EIF2AK4: variants seen among roughly 807,000 people sequenced by gnomAD.
EIF2AK4 encodes eIF-2-alpha kinase GCN2.
A neutral mutation model predicts 211.1 loss-of-function variants in EIF2AK4; 139 were observed. The ratio of observed to expected loss-of-function variants is 0.66; its 90% CI spans 0.57 to 0.76. EIF2AK4 has a LOEUF of 0.76. EIF2AK4 is among the 30% of genes least tolerant of loss of function. EIF2AK4 has a pLI of 0.00. For missense variants in EIF2AK4, 1,664 were observed against 2,043.8 expected, an observed-to-expected ratio of 0.81 and a Z score of 3.58; for synonymous variants, 710 against 751.3, an observed-to-expected ratio of 0.94 and a Z score of 0.90.
rs199883796 is a variant in EIF2AK4 at position 39,988,019 on chromosome 15, A to C, written c.2440A>C (p.Ile814Leu). The change falls in exon 15 of 39, where the codon ATT becomes CTT. Residue 814 changes from isoleucine to leucine, a missense_variant. Transcript: ENST00000263791. ...TGAGAAGAGCACTTTACGAGACACC[A>C]TTGACCAGGGACTGTATCGAGACAC... ...YCEKSTLRDT[I>L]DQGLYRDTVR... is the part of the protein sequence containing the mutation. 1 of 1,614,174 alleles carries C rather than the reference A, an allele frequency of 6.2e-7. No homozygotes were observed. Among genetic ancestry groups the C allele is most frequent in the Non-Finnish European group, 8.5e-7 (1 of 1,180,012 alleles).
At chr15:39,974,312 G>A (rs1346138865) in intron 11 of EIF2AK4, 2 of 152,110 alleles carry the variant, frequency 1.3e-5, no homozygotes, top group Non-Finnish European at 2.9e-5. Flanking sequence ...TGTAGAAAGA[G>A]GTTTCAGCTG....
Position 39,990,397 on chromosome 15 carries a change from G to T in EIF2AK4, c.2631+20G>T. On this transcript the variant is annotated intron_variant, in intron 16 of 38. Coordinates refer to ENST00000263791, the MANE Select transcript of EIF2AK4 (RefSeq NM_001013703.4). ...TTTTCTGTAAGTATTTTAAAAATTA[G>T]ACTGTACCTAAAAACAGACTCAGAT... The T allele has an allele frequency of 6.3e-7, 1 of 1,596,662 alleles. No homozygotes were observed. The highest frequency in any genetic ancestry group is 8.6e-7 in the Non-Finnish European group (1 of 1,164,734).
intron 17 of EIF2AK4, chr15:39,992,482 A>C (rs982682777): frequency 1.3e-5 from 7 of 542,260 alleles, no homozygotes; most frequent in African/African-American, 1.1e-4. Flanking sequence ...TATTTTGTCT[A>C]ACCTCCATTG....
intron 35 of EIF2AK4, among the ~76,000 whole-genome samples, chr15:40,031,191 G>A (rs575120681): frequency 1.3e-5 from 2 of 152,304 alleles, no homozygotes; most frequent in Admixed American, 1.3e-4. Flanking sequence ...AGTGAGCCAA[G>A]ATCATGGCAC....
At chr15:39,975,659 C>T (rs536695792) in intron 11 of EIF2AK4, among the ~76,000 whole-genome samples, 8 of 152,306 alleles carry the variant, frequency 5.3e-5, no homozygotes, top group Admixed American at 6.5e-5. Context: ...GCCTTTGCAA[C>T]GTTTTCTTGC....
intron 3 of EIF2AK4, among the ~76,000 whole-genome samples, chr15:39,945,469 C>T (rs1057491587): frequency 6.6e-6 from 1 of 152,104 alleles, no homozygotes; most frequent in Non-Finnish European, 1.5e-5. Flanking sequence ...GAGGGAGCTG[C>T]AGAAGAAAAG....
At chr15:40,007,157 C>A in intron 24 of EIF2AK4, 92 bp downstream of exon 24, 1 of 1,166,114 alleles carries the variant, frequency 8.6e-7, no homozygotes, top group Non-Finnish European at 1.2e-6. Flanking sequence ...TCCTGTGATC[C>A]TTACACAGTT....
intron 18 of EIF2AK4, among the ~76,000 whole-genome samples, chr15:39,993,528 G>A (rs2034979931): frequency 6.6e-6 from 1 of 152,190 alleles, no homozygotes; most frequent in Admixed American, 6.5e-5. Context: ...TGCCAGGGAG[G>A]GAGATGGTAA....
chr15:40,035,126 CT>C lies in EIF2AK4; in HGVS notation c.*44del. ...TTAACCTCATTCAAACAGACAGAGG[CT>C]TATACTGGAATAATGGAATGTTGTA... On this transcript the variant is annotated 3_prime_UTR_variant, in exon 39 of 39. Coordinates refer to ENST00000263791, the MANE Select transcript of EIF2AK4 (RefSeq NM_001013703.4). The C allele has an allele frequency of 7.4e-7, 1 of 1,352,368 alleles. No individual in the cohort carries two copies. Among genetic ancestry groups the C allele is most frequent in the South Asian group, 1.4e-5 (1 of 70,634 alleles). 83.8% of individuals were successfully genotyped at this position (1,352,368 alleles called of 1,614,324 possible).
intron 34 of EIF2AK4, 34 bp from the exon 35 acceptor site, chr15:40,030,325 A>G (rs1293826395): frequency 6.3e-7 from 1 of 1,597,628 alleles, no homozygotes; most frequent in Non-Finnish European, 8.6e-7. Context: ...GGGACCAGAT[A>G]AGGCCATAAA....
Position 39,967,790 on chromosome 15 carries a change from G to T in EIF2AK4, c.1464G>T (p.Leu488=). The T allele has an allele frequency of 6.2e-7, 1 of 1,614,208 alleles. No homozygotes were observed. The highest frequency in any genetic ancestry group is 8.5e-7 in the Non-Finnish European group (1 of 1,180,040). Residue 488 remains leucine, a synonymous_variant, in exon 9 of 39, where the codon CTG becomes CTT. Coordinates refer to ENST00000263791, the MANE Select transcript of EIF2AK4 (RefSeq NM_001013703.4). The stretch of plus-strand genomic sequence containing the variant: ...ATGTTTGGCGTCTTGGCCTTCTGCT[G>T]CTGTCCCTCAGCCAAGGACAGGAAT... ...KGDVWRLGLL[L]LSLSQGQECG...
At chr15:39,989,700 A>G (rs139959895) in intron 15 of EIF2AK4, among the ~76,000 whole-genome samples, 43 of 152,354 alleles carry the variant, frequency 2.8e-4, no homozygotes, top group African/African-American at 9.1e-4. Flanking sequence ...TTTCTCTATT[A>G]TAATGCATGA....
At chr15:39,964,087 GTTAT>G (rs1566987632) in intron 7 of EIF2AK4, among the ~76,000 whole-genome samples, 1 of 152,130 alleles carries the variant, frequency 6.6e-6, no homozygotes, top group African/African-American at 2.4e-5. Flanking sequence ...ACTGTCAGGA[GTTAT>G]TTATGACTAA....
In EIF2AK4 at chr15:39,965,687, C is replaced by A. The variant is rs1250999427; in HGVS notation, c.861C>A (p.Gly287=). 6.2e-7 allele frequency: 1 copy of A among 1,613,608 alleles called. No homozygotes were observed. Among genetic ancestry groups the A allele is most frequent in the Non-Finnish European group, 8.5e-7 (1 of 1,179,808 alleles). ...TTACACTTTCTGTTTAATGTGCAGG[C>A]AGTGATGAACAACTTGGAAAATTAG... ...QLMVHKGKCI[G]SDEQLGKLVY... The change falls in exon 8 of 39, where the codon GGC becomes GGA. Residue 287 remains glycine, a splice_region_variant and synonymous_variant. Coordinates refer to ENST00000263791, the MANE Select transcript of EIF2AK4 (RefSeq NM_001013703.4).
chr15:39,988,160 T>C, intron 15 of EIF2AK4, 55 bp downstream of exon 15: 1 of 1,582,338 alleles, frequency 6.3e-7, no homozygotes, highest in East Asian at 2.2e-5. Context: ...AATTTATGAC[T>C]GCATAAAAAT....
chr15:39,947,080 C>T (rs2034239098), intron 3 of EIF2AK4, among the ~76,000 whole-genome samples: 2 of 152,104 alleles, frequency 1.3e-5, no homozygotes, highest in African/African-American at 4.8e-5. Context: ...CCTGTGCTAG[C>T]ATTCATCTGA....
intron 2 of EIF2AK4, 134 bp downstream of exon 2, chr15:39,939,751 A>G (rs1329730840): frequency 3.3e-6 from 2 of 607,344 alleles, no homozygotes; most frequent in East Asian, 5.9e-5. Flanking sequence ...CTATTTCAAC[A>G]AAACTACATC....
chr15:40,016,522 T>C lies in EIF2AK4; in HGVS notation c.3780T>C (p.Phe1260=), dbSNP rs2140942761. 6.2e-7 allele frequency: 1 copy of C among 1,614,190 alleles called. No individual in the cohort carries two copies. The highest frequency in any genetic ancestry group is 2.2e-5 in the East Asian group (1 of 44,884). Residue 1260 remains phenylalanine, a synonymous_variant, in exon 28 of 39, where the codon TTT becomes TTC. Coordinates refer to ENST00000263791, the MANE Select transcript of EIF2AK4 (RefSeq NM_001013703.4). ...TCCAGCTGTGTCGACTCTACAAGTT[T>C]ATTGAACAGAAGGGAGATTTGCAAG... ...SSNSLCRLYK[F]IEQKGDLQDL... is the part of the protein sequence containing the mutation.
chr15:39,992,977 A>C, intron 18 of EIF2AK4, 129 bp downstream of exon 18: 42 of 857,990 alleles, frequency 4.9e-5, no homozygotes, highest in Non-Finnish European at 7.0e-5. Context: ...GGAAGGACTC[A>C]TGGTCCTAAG....
Sources: gnomAD v4.1 joint callset for allele counts (sites outside exome capture counted in the v4.1 genomes callset) on GRCh38, gnomAD v4.1.1 for gene constraint, MANE v1.5 for transcripts, NCBI Gene and HGNC (gene_info 2026-07-23, HGNC 2026-07-21) for gene names.